Variants in WDR37 observed in about 807,000 individuals in gnomAD.
WDR37 encodes WD repeat domain 37.
A neutral mutation model predicts 62.9 loss-of-function variants in WDR37; 19 were observed. The ratio of observed to expected loss-of-function variants is 0.30; its 90% CI spans 0.21 to 0.44. WDR37 has a LOEUF of 0.44. WDR37 is among the 20% of genes least tolerant of loss of function. The pLI is 1.00. For synonymous variants in WDR37, 250 were observed against 260.9 expected (o/e 0.96, Z 0.40); for missense variants, 474 against 657.6 (o/e 0.72, Z 3.05).
intron 1 of WDR37, among the ~76,000 whole-genome samples, chr10:1,057,385 C>T (rs922272277): frequency 4.6e-5 from 7 of 152,106 alleles, no homozygotes; most frequent in African/African-American, 1.7e-4. Flanking sequence ...TCGGCCTGGG[C>T]ATCCCGGGGA....
At chr10:1,071,520 A>G (rs189391749) in intron 1 of WDR37, among the ~76,000 whole-genome samples, 16 of 152,332 alleles carry the variant, frequency 1.1e-4, no homozygotes, top group African/African-American at 3.4e-4. Flanking sequence ...TAAATTAGAG[A>G]TTTGAATAAC....
At chr10:1,081,037 T>C (rs907522796) in intron 5 of WDR37, among the ~76,000 whole-genome samples, 4 of 152,202 alleles carry the variant, frequency 2.6e-5, no homozygotes, top group African/African-American at 9.7e-5. Context: ...CTCTTGTTAA[T>C]TGGCTTAATA....
intron 1 of WDR37, among the ~76,000 whole-genome samples, chr10:1,060,552 G>A (rs756924797): frequency 3.3e-5 from 5 of 152,158 alleles, no homozygotes; most frequent in Non-Finnish European, 7.4e-5. Flanking sequence ...TGAATATTTT[G>A]AAGGAAAATA....
intron 1 of WDR37, among the ~76,000 whole-genome samples, chr10:1,063,946 GA>G (rs1326426493): frequency 1.3e-5 from 2 of 152,240 alleles, no homozygotes; most frequent in Non-Finnish European, 2.9e-5. Flanking sequence ...TCACTCATAG[GA>G]AAATCTCAAC....
At chr10:1,128,955 G>A (rs555813262) in intron 13 of WDR37, among the ~76,000 whole-genome samples, 97 of 150,454 alleles carry the variant, frequency 6.4e-4, no homozygotes, top group South Asian at 2.2e-3. Flanking sequence ...CGTGCTCGGC[G>A]GTGGTTGGTG....
At chr10:1,098,329 T>G (rs1489993269) in intron 9 of WDR37, among the ~76,000 whole-genome samples, 1 of 147,646 alleles carries the variant, frequency 6.8e-6, no homozygotes, top group Non-Finnish European at 1.5e-5. Context: ...TCTGTCCGTT[T>G]TTTTTTTTTT....
chr10:1,126,976 T>C (rs112120850), intron 13 of WDR37, among the ~76,000 whole-genome samples: 88 of 152,312 alleles, frequency 5.8e-4, no homozygotes, highest in African/African-American at 1.9e-3. Flanking sequence ...AGCCATAAAT[T>C]GCTTGTCCTG....
intron 11 of WDR37, among the ~76,000 whole-genome samples, chr10:1,115,116 G>A (rs1835348595): frequency 6.6e-6 from 1 of 151,654 alleles, no homozygotes; most frequent in Non-Finnish European, 1.5e-5. Flanking sequence ...CCTCCTCTGT[G>A]GGTGGCAGGT....
At chr10:1,098,604 C>A (rs148830468) in intron 9 of WDR37, among the ~76,000 whole-genome samples, 2 of 152,254 alleles carry the variant, frequency 1.3e-5, no homozygotes, top group East Asian at 3.9e-4. Context: ...GGATTACAGG[C>A]GTGAGCCACC....
At chr10:1,058,391 T>C (rs1332176497) in intron 1 of WDR37, among the ~76,000 whole-genome samples, 3 of 152,240 alleles carry the variant, frequency 2.0e-5, no homozygotes, top group Non-Finnish European at 4.4e-5. Flanking sequence ...TCTTTTTGGG[T>C]AGCTATGTTA....
intron 1 of WDR37, among the ~76,000 whole-genome samples, chr10:1,069,385 ATATATTTTT>A (rs1035501532): frequency 2.8e-4 from 8 of 28,472 alleles, no homozygotes; most frequent in Non-Finnish European, 5.5e-4. Context: ...ATATATATAT[ATATATTTTT>A]TTTTTTTTTT....
chr10:1,074,702 C>G (rs1431915148), intron 2 of WDR37, among the ~76,000 whole-genome samples: 1 of 152,182 alleles, frequency 6.6e-6, no homozygotes. Context: ...TAGGAGTGGG[C>G]TCGTTCTAGA....
Position 1,084,427 on chromosome 10 carries a change from A to G in WDR37, c.421A>G (p.Thr141Ala). Residue 141 changes from threonine to alanine, a missense_variant, in exon 6 of 14, where the codon ACA (threonine) becomes GCA (alanine). Thr to Ala is a moderately conservative substitution (Grantham distance 58). Coordinates refer to ENST00000263150, the MANE Select transcript of WDR37 (RefSeq NM_014023.4). ...GATTGTCTCCAGCTTTAAGACCACGACATCGAGAGCTGCCTGCCAGCTCGT... is the reference window on the plus strand; with the variant it reads ...GATTGTCTCCAGCTTTAAGACCACGGCATCGAGAGCTGCCTGCCAGCTCGT... ...SKIVSSFKTT[T>A]SRAACQLVKE... 6.2e-7 allele frequency: 1 copy of G among 1,614,074 alleles called. No homozygotes were observed. The highest frequency in any genetic ancestry group is 1.7e-5 in the Admixed American group (1 of 60,012).
At chr10:1,107,287 C>T (rs894852058) in intron 11 of WDR37, among the ~76,000 whole-genome samples, 4 of 144,462 alleles carry the variant, frequency 2.8e-5, no homozygotes, top group Non-Finnish European at 6.0e-5. Flanking sequence ...GGCCCACCAC[C>T]TGGCACCACT....
At chr10:1,098,618 C>T (rs1031110803) in intron 9 of WDR37, among the ~76,000 whole-genome samples, 2 of 152,218 alleles carry the variant, frequency 1.3e-5, no homozygotes, top group African/African-American at 4.8e-5. Context: ...AGCCACCGTG[C>T]CCAGCCTCTC....
rs765976040 is a variant in WDR37 at position 1,080,063 on chromosome 10, G to A, written c.288G>A (p.Ala96=). 15 of 1,614,016 alleles carry A rather than the reference G, an allele frequency of 9.3e-6. No homozygotes were observed. In the East Asian group the frequency reaches 1.6e-4, roughly 17 times the overall value. Reference sequence around the variant, plus strand: ...AACGTTTAGCTGCTGAAGGACAAGCGATTGATGGAGCAGAGCTGAGTAAGG... The same window carrying A: ...AACGTTTAGCTGCTGAAGGACAAGCAATTGATGGAGCAGAGCTGAGTAAGG... The part of the protein sequence containing the change: ...LNERLAAEGQ[A]IDGAELSKGQ... The change falls in exon 4 of 14, where the codon GCG becomes GCA. Residue 96 remains alanine (A), a synonymous_variant. Transcript: ENST00000263150.
intron 13 of WDR37, among the ~76,000 whole-genome samples, chr10:1,126,361 G>C (rs377190516): frequency 6.2e-4 from 93 of 149,120 alleles, no homozygotes; most frequent in Middle Eastern, 3.5e-3. Context: ...AGCTGAGATC[G>C]CGCCACTGCA....
intron 9 of WDR37, 23 bp downstream of exon 9, chr10:1,096,269 G>A (rs917709187): frequency 7.5e-6 from 12 of 1,608,886 alleles, no homozygotes; most frequent in African/African-American, 6.7e-5. Context: ...CCTTACCTGT[G>A]AATGTGTAGG....
intron 11 of WDR37, among the ~76,000 whole-genome samples, chr10:1,115,084 C>A (rs949024617): frequency 2.7e-5 from 4 of 150,300 alleles, no homozygotes; most frequent in African/African-American, 9.8e-5. Context: ...AGCTGACAGG[C>A]GAGGTGTCAC....
Sources: allele counts gnomAD v4.1 joint callset (sites outside exome capture counted in the v4.1 genomes callset), GRCh38; gene constraint gnomAD v4.1.1; transcripts MANE v1.5; gene names NCBI Gene and HGNC (gene_info 2026-07-23, HGNC 2026-07-21).